Variants in C8orf34 observed in about 807,000 individuals in gnomAD.
C8orf34 encodes uncharacterized protein C8orf34.
C8orf34 carries 65 observed loss-of-function variants against 68.3 expected under a neutral mutation model. The ratio of observed to expected loss-of-function variants is 0.95; its 90% CI spans 0.78 to 1.17. The LOEUF (loss-of-function observed/expected upper bound fraction) is 1.17, where lower values mean the gene tolerates loss of function less well. C8orf34 is among the 50% of genes most tolerant of loss of function. The pLI, the probability that C8orf34 is intolerant of heterozygous loss-of-function variation, is 0.00. For missense variants in C8orf34, 664 were observed against 655.4 expected (o/e 1.01, Z -0.14); for synonymous variants, 244 against 241.2 (o/e 1.01, Z -0.11).
At chr8:68,641,071 T>C (rs201051054) in intron 8 of C8orf34, among the ~76,000 whole-genome samples, 1 of 152,234 alleles carries the variant, frequency 6.6e-6, no homozygotes, top group Non-Finnish European at 1.5e-5. Flanking sequence ...ACTCACCAAA[T>C]AGCTAGAATT....
chr8:68,650,510 CG>C (rs1819321102), intron 8 of C8orf34, among the ~76,000 whole-genome samples: 1 of 138,356 alleles, frequency 7.2e-6, no homozygotes, highest in African/African-American at 2.7e-5. Flanking sequence ...GACGGAGTCT[CG>C]CTCTGTCGCC....
chr8:68,558,935 C>A (rs1426029419), intron 7 of C8orf34, among the ~76,000 whole-genome samples: 4 of 151,960 alleles, frequency 2.6e-5, no homozygotes, highest in Non-Finnish European at 5.9e-5. Context: ...GTAAGACATG[C>A]AGGGGAGAGA....
chr8:68,419,877 G>A (rs1220710455), intron 1 of C8orf34, among the ~76,000 whole-genome samples: 1 of 149,386 alleles, frequency 6.7e-6, no homozygotes, highest in African/African-American at 2.5e-5. Flanking sequence ...TACCTAATGC[G>A]AGATGACGAG....
intron 7 of C8orf34, chr8:68,625,387 G>T: frequency 2.1e-6 from 1 of 470,254 alleles, no homozygotes; most frequent in Non-Finnish European, 3.8e-6. Context: ...TGTGGGAAGT[G>T]AGATGAGGTT....
intron 7 of C8orf34, chr8:68,533,483 C>A: frequency 9.9e-7 from 1 of 1,009,360 alleles, no homozygotes; most frequent in Non-Finnish European, 1.2e-6. Context: ...GCCTTGTTTA[C>A]ATCTATTGTC....
intron 1 of C8orf34, among the ~76,000 whole-genome samples, chr8:68,342,173 AT>A (rs1292979523): frequency 6.6e-6 from 1 of 152,236 alleles, no homozygotes; most frequent in Admixed American, 6.5e-5. Flanking sequence ...AAAATATCAC[AT>A]TGTACATCAT....
intron 7 of C8orf34, among the ~76,000 whole-genome samples, chr8:68,582,016 G>A (rs1457426345): frequency 6.6e-6 from 1 of 152,140 alleles, no homozygotes; most frequent in Non-Finnish European, 1.5e-5. Context: ...CCCCTGTAGA[G>A]GTGGAAAGGT....
chr8:68,617,270 A>T (rs1435074847), intron 7 of C8orf34, among the ~76,000 whole-genome samples: 1 of 152,146 alleles, frequency 6.6e-6, no homozygotes, highest in African/African-American at 2.4e-5. Flanking sequence ...TAATTGGAGC[A>T]TTTAGTCCAT....
chr8:68,761,109 G>A (rs1166868444), intron 10 of C8orf34, among the ~76,000 whole-genome samples: 1 of 152,154 alleles, frequency 6.6e-6, no homozygotes, highest in Non-Finnish European at 1.5e-5. Flanking sequence ...CAAAAGCAAG[G>A]CTATCTGAAT....
At chr8:68,815,186 T>A (rs1305321914) in intron 12 of C8orf34, among the ~76,000 whole-genome samples, 1 of 152,172 alleles carries the variant, frequency 6.6e-6, no homozygotes, top group East Asian at 1.9e-4. Flanking sequence ...GTCACTCTTT[T>A]GAACTAGAAT....
chr8:68,583,324 T>C (rs1481808055), intron 7 of C8orf34, among the ~76,000 whole-genome samples: 1 of 152,142 alleles, frequency 6.6e-6, no homozygotes, highest in African/African-American at 2.4e-5. Flanking sequence ...TTCATTGGGC[T>C]CTATTTATTT....
chr8:68,658,502 G>A (rs10957442), intron 8 of C8orf34, among the ~76,000 whole-genome samples: 76,408 of 151,856 alleles, frequency 0.5, 20,000 homozygotes, highest in African/African-American at 0.65. Context: ...TAATGTAAGC[G>A]CAGCAAAATG....
intron 1 of C8orf34, among the ~76,000 whole-genome samples, chr8:68,336,226 C>A: frequency 6.6e-6 from 1 of 151,450 alleles, no homozygotes; most frequent in African/African-American, 2.4e-5. Context: ...AGCCATGAAC[C>A]ATACAAAGAG....
intron 1 of C8orf34, among the ~76,000 whole-genome samples, chr8:68,409,475 T>G (rs779675578): frequency 6.6e-6 from 1 of 152,184 alleles, no homozygotes; most frequent in Non-Finnish European, 1.5e-5. Flanking sequence ...ATTAAAAAGT[T>G]TAAAAATAGA....
intron 7 of C8orf34, among the ~76,000 whole-genome samples, chr8:68,565,325 C>G (rs556080250): frequency 6.6e-6 from 1 of 152,282 alleles, no homozygotes; most frequent in Non-Finnish European, 1.5e-5. Context: ...AACTTATTCT[C>G]ACTACATGTT....
intron 1 of C8orf34, among the ~76,000 whole-genome samples, chr8:68,349,635 T>C (rs1184738921): frequency 2.6e-5 from 4 of 151,996 alleles, no homozygotes; most frequent in Admixed American, 2.6e-4. Context: ...GGCTGTTTAT[T>C]ATGGATTCAA....
intron 7 of C8orf34, among the ~76,000 whole-genome samples, chr8:68,616,777 G>T (rs1458106962): frequency 2.7e-4 from 41 of 152,140 alleles, no homozygotes; most frequent in Non-Finnish European, 1.5e-5. Flanking sequence ...TTGATCTGGG[G>T]TGGAGAGTTC....
intron 1 of C8orf34, among the ~76,000 whole-genome samples, chr8:68,360,943 C>T (rs977709473): frequency 5.9e-5 from 9 of 151,610 alleles, no homozygotes; most frequent in African/African-American, 9.7e-5. Flanking sequence ...TTAATAGAGA[C>T]GGGGTTTCAC....
At chr8:68,440,453 G>T (rs540584342) in intron 2 of C8orf34, among the ~76,000 whole-genome samples, 1 of 152,210 alleles carries the variant, frequency 6.6e-6, no homozygotes, top group South Asian at 2.1e-4. Context: ...TTGATACCAG[G>T]TCCCAAAGCT....
Sources: gnomAD v4.1 joint callset for allele counts (sites outside exome capture counted in the v4.1 genomes callset) on GRCh38, gnomAD v4.1.1 for gene constraint, MANE v1.5 for transcripts, NCBI Gene and HGNC (gene_info 2026-07-23, HGNC 2026-07-21) for gene names.